NEK1: variants seen among roughly 807,000 people sequenced by gnomAD.
NEK1 encodes the protein NIMA related kinase 1.
A neutral mutation model predicts 182.1 loss-of-function variants in NEK1; 137 were observed. The ratio of observed to expected loss-of-function variants is 0.75; its 90% CI spans 0.65 to 0.87. The LOEUF (loss-of-function observed/expected upper bound fraction) is 0.87, where lower values mean the gene tolerates loss of function less well. NEK1 is among the 40% of genes least tolerant of loss of function. NEK1 has a pLI of 0.00. For synonymous variants in NEK1, 513 were observed against 492.2 expected (o/e 1.04, Z -0.56); for missense variants, 1,391 against 1,494.4 (o/e 0.93, Z 1.14).
At chr4:169,412,421 G>A (rs2111182433) in intron 31 of NEK1, among the ~76,000 whole-genome samples, 1 of 152,246 alleles carries the variant, frequency 6.6e-6, no homozygotes, top group Non-Finnish European at 1.5e-5. Context: ...CTTGTAAAAG[G>A]CTTTTAATCA....
intron 19 of NEK1, among the ~76,000 whole-genome samples, chr4:169,514,174 G>A (rs1370606103): frequency 6.6e-6 from 1 of 151,960 alleles, no homozygotes; most frequent in Non-Finnish European, 1.5e-5. Flanking sequence ...TATTAGTAGA[G>A]ACAGGGTTTC....
chr4:169,399,607 T>C (rs557794832), intron 35 of NEK1, among the ~76,000 whole-genome samples: 1 of 152,144 alleles, frequency 6.6e-6, no homozygotes, highest in South Asian at 2.1e-4. Flanking sequence ...TTCTAAGTTA[T>C]AATCTTCTTT....
chr4:169,555,421 G>A (rs10027406), intron 18 of NEK1: 4 of 325,232 alleles, frequency 1.2e-5, no homozygotes, highest in Non-Finnish European at 2.3e-5. Context: ...TTATTTAAAG[G>A]AAGTGGGTGA....
chr4:169,455,245 G>A (rs1325779556), intron 27 of NEK1, among the ~76,000 whole-genome samples: 1 of 151,964 alleles, frequency 6.6e-6, no homozygotes, highest in Non-Finnish European at 1.5e-5. Flanking sequence ...GTTGATTGGT[G>A]CAGCAAACCA....
chr4:169,467,206 T>G (rs1276341646), intron 26 of NEK1, among the ~76,000 whole-genome samples: 1 of 152,200 alleles, frequency 6.6e-6, no homozygotes, highest in Non-Finnish European at 1.5e-5. Context: ...GGCTTTATGT[T>G]ATTGATAAGG....
chr4:169,576,353 T>C (rs997452988), intron 12 of NEK1, among the ~76,000 whole-genome samples: 2 of 152,218 alleles, frequency 1.3e-5, no homozygotes, highest in Non-Finnish European at 1.5e-5. Flanking sequence ...TCTAAGGCTG[T>C]GTATATGTAT....
At chr4:169,404,911 C>G (rs1327020265) in intron 32 of NEK1, among the ~76,000 whole-genome samples, 1 of 151,990 alleles carries the variant, frequency 6.6e-6, no homozygotes, top group Non-Finnish European at 1.5e-5. Context: ...CCATGAATCA[C>G]AAAGAAAGCA....
Position 169,612,408 on chromosome 4 carries a change from G to A in NEK1, c.-359C>T, listed in dbSNP as rs1454039794. The A allele has an allele frequency of 6.6e-6, 1 of 152,298 alleles. No individual in the cohort carries two copies. Among genetic ancestry groups the A allele is most frequent in the Non-Finnish European group, 1.5e-5 (1 of 68,144 alleles). The allele number at this position is 152,298 out of a possible 1,614,324, so 9.4% of individuals were successfully genotyped here. ...TCCAACTTCACAGAGGTCGTTGCTA[G>A]TGGCCACGGCGGGGTGGGGACGGGC... On this transcript the variant is annotated 5_prime_UTR_variant, in exon 1 of 36. Coordinates refer to ENST00000507142, the MANE Select transcript of NEK1 (RefSeq NM_001199397.3).
At chr4:169,569,574 C>T (rs926617257) in intron 12 of NEK1, among the ~76,000 whole-genome samples, 2 of 152,004 alleles carry the variant, frequency 1.3e-5, no homozygotes, top group South Asian at 4.1e-4. Flanking sequence ...GCCATCTAGG[C>T]TCACTGCAAC....
Position 169,571,448 on chromosome 4 carries a change from CAGAGT to C in NEK1, c.1020+5475_1020+5479del, listed in dbSNP as rs1476204409. 8.5e-4 allele frequency among the ~76,000 whole-genome samples: 129 copies of C among 152,186 alleles called. 3 individuals are homozygous for C. The highest frequency in any genetic ancestry group is 8.4e-3 in the Admixed American group (128 of 15,282). ...GATAACATTGTGGAGAAAAACAAAG[CAGAGT>C]AAAGTAGAGTAGAAACGTGGGAATG... On this transcript the variant is annotated intron_variant, in intron 12 of 35. Coordinates refer to ENST00000507142, the MANE Select transcript of NEK1 (RefSeq NM_001199397.3).
intron 23 of NEK1, among the ~76,000 whole-genome samples, chr4:169,489,238 G>T (rs547211919): frequency 1.3e-5 from 2 of 152,262 alleles, no homozygotes; most frequent in East Asian, 3.9e-4. Flanking sequence ...AGATTCTTTG[G>T]TTGAAGGCAA....
At chr4:169,467,931 T>C (rs1198526966) in intron 26 of NEK1, among the ~76,000 whole-genome samples, 4 of 152,098 alleles carry the variant, frequency 2.6e-5, no homozygotes, top group African/African-American at 9.7e-5. Flanking sequence ...TAAAAATGAA[T>C]TTAACAATAT....
At chr4:169,495,056 T>C (rs1288073194) in intron 23 of NEK1, among the ~76,000 whole-genome samples, 2 of 152,156 alleles carry the variant, frequency 1.3e-5, no homozygotes, top group Non-Finnish European at 2.9e-5. Flanking sequence ...TTCACTCTGA[T>C]GGTAGTTTCT....
chr4:169,437,446 C>A (rs1019617052), intron 28 of NEK1, among the ~76,000 whole-genome samples: 3 of 152,130 alleles, frequency 2.0e-5, no homozygotes, highest in Non-Finnish European at 4.4e-5. Flanking sequence ...AGGACAGATG[C>A]AAATTCTTTG....
At chr4:169,597,502 GGCACGTTTCTGTA>G (rs1353537869) in intron 5 of NEK1, among the ~76,000 whole-genome samples, 2 of 151,758 alleles carry the variant, frequency 1.3e-5, no homozygotes, top group African/African-American at 4.9e-5. Flanking sequence ...TGGGCCTAGT[GGCACGTTTCTGTA>G]GCAGCAGCTA....
chr4:169,502,233 GA>G (rs1210896162), intron 23 of NEK1, among the ~76,000 whole-genome samples: 1 of 145,152 alleles, frequency 6.9e-6, no homozygotes, highest in Non-Finnish European at 1.5e-5. Flanking sequence ...GTACAAAATT[GA>G]AACAGTAATA....
intron 19 of NEK1, among the ~76,000 whole-genome samples, chr4:169,509,905 A>C (rs1753908700): frequency 6.6e-6 from 1 of 152,168 alleles, no homozygotes; most frequent in African/African-American, 2.4e-5. Flanking sequence ...CTGGTATTTT[A>C]CTAGTTATCC....
intron 27 of NEK1, among the ~76,000 whole-genome samples, chr4:169,440,878 A>C (rs1739320258): frequency 6.6e-6 from 1 of 152,192 alleles, no homozygotes. Context: ...CTCACACAGC[A>C]TCCTGAGACC....
rs375267842 is a variant in NEK1, at chr4:169,507,695, G to GT, written c.1911+19dup. 177 of 1,580,868 alleles carry GT rather than the reference G, an allele frequency of 1.1e-4. No individual in the cohort carries two copies. Among genetic ancestry groups the GT allele is most frequent in the Non-Finnish European group, 1.4e-4 (159 of 1,154,902 alleles). On this transcript the variant is annotated intron_variant, in intron 22 of 35. Transcript: ENST00000507142. ...CTTTCAATTTTCTCTAAGAAAACCT[G>GT]TATCATTTCTAGTCTATACCTTCAG...
Sources: gnomAD v4.1 joint callset for allele counts (sites outside exome capture counted in the v4.1 genomes callset) on GRCh38, gnomAD v4.1.1 for gene constraint, MANE v1.5 for transcripts, NCBI Gene and HGNC (gene_info 2026-07-23, HGNC 2026-07-21) for gene names.